The following FANCA variants were observed in gnomAD, a reference collection of about 807,000 sequenced individuals.
FANCA encodes the protein FA complementation group A.
FANCA carries 236 observed loss-of-function variants against 194.3 expected under a neutral mutation model. The observed-to-expected ratio is 1.21, with a 90% confidence interval of 1.09 to 1.35. The LOEUF is 1.35. Among genes scored for constraint, FANCA ranks in the 40% most tolerant of loss-of-function variants. The probability of loss-of-function intolerance (pLI) is 0.00; values close to 1 mark genes in which losing one functional copy is unlikely to be tolerated. For synonymous variants in FANCA, 1,014 were observed against 715.8 expected, an observed-to-expected ratio of 1.42 and a Z score of -6.65; for missense variants, 2,628 against 1,813.9, an observed-to-expected ratio of 1.45 and a Z score of -8.15.
At chr16:89,785,578 CAAAGTCCTGGGGGCTGCAGT>C (rs1303209403) in intron 14 of FANCA, among the ~76,000 whole-genome samples, 5 of 152,154 alleles carry the variant, frequency 3.3e-5, no homozygotes, top group Non-Finnish European at 7.4e-5. Context: ...GGGGCTGCAG[CAAAGTCCTGGGGGCTGCAGT>C]GAGTCAGGGA....
intron 21 of FANCA, among the ~76,000 whole-genome samples, chr16:89,775,255 C>T (rs1225234013): frequency 1.2e-4 from 18 of 152,162 alleles, no homozygotes; most frequent in African/African-American, 4.3e-4. Context: ...CAGCCTTTCA[C>T]GGATTCCCAA....
intron 11 of FANCA, among the ~76,000 whole-genome samples, chr16:89,794,995 T>C (rs1191178871): frequency 1.3e-5 from 2 of 152,020 alleles, no homozygotes; most frequent in East Asian, 3.9e-4. Flanking sequence ...TTTAAAAGAC[T>C]AGACAGCGGC....
At position 89,739,462 on chromosome 16, in the gene FANCA, C is replaced by G. The variant is rs2062067015; in HGVS notation, c.4010+16G>C. On this transcript the variant is annotated intron_variant, in intron 40 of 42. Coordinates refer to ENST00000389301, the MANE Select transcript of FANCA (RefSeq NM_000135.4). ...AAACACTGCCCAGCCCTGACCAGCCCTGTGGGTGGAGGTACCTGTAAAAAG... is the reference window on the plus strand; with the variant it reads ...AAACACTGCCCAGCCCTGACCAGCCGTGTGGGTGGAGGTACCTGTAAAAAG... 1 of 1,551,838 alleles carries G rather than the reference C, an allele frequency of 6.4e-7. No individual in the cohort carries two copies. The highest frequency in any genetic ancestry group is 1.4e-5 in the African/African-American group (1 of 73,104).
intron 22 of FANCA, 31 bp from the exon 23 acceptor site, chr16:89,771,845 A>C: frequency 6.2e-7 from 1 of 1,612,642 alleles, no homozygotes; most frequent in East Asian, 2.2e-5. Context: ...TAGGGATGAC[A>C]AGAACCCCGA....
At chr16:89,804,241 T>C (rs983063409) in intron 7 of FANCA, among the ~76,000 whole-genome samples, 1 of 152,168 alleles carries the variant, frequency 6.6e-6, no homozygotes, top group African/African-American at 2.4e-5. Context: ...CAGTTTCTCA[T>C]CTAATTTTTA....
intron 6 of FANCA, among the ~76,000 whole-genome samples, chr16:89,805,708 T>A (rs916466541): frequency 1.3e-5 from 2 of 150,014 alleles, no homozygotes; most frequent in African/African-American, 2.5e-5. Context: ...AGTGCTGGGA[T>A]GACTGGTGTG....
At position 89,810,952 on chromosome 16, in the gene FANCA, C is replaced by T. The variant is rs1273759951; in HGVS notation, c.403G>A (p.Val135Met). 1 of 1,614,162 alleles carries T rather than the reference C, an allele frequency of 6.2e-7. No individual in the cohort carries two copies. The highest frequency in any genetic ancestry group is 8.5e-7 in the Non-Finnish European group (1 of 1,180,056). Residue 135 changes from valine (V) to methionine (M), a missense_variant, in exon 4 of 43, where the codon GTG (valine) becomes ATG (methionine). By Grantham distance (21) the Val-to-Met change is conservative. Transcript: ENST00000389301. ...ACTCTCTGCTCCACAGTCAGCAGCA[C>T]AGGGTGACTGGTCTCCGCTGGAGCC... ...CTAPAETSHP[V>M]LLTVEQRKKL...
intron 5 of FANCA, 40 bp from the exon 6 acceptor site, chr16:89,808,407 A>G: frequency 6.3e-7 from 1 of 1,599,878 alleles, no homozygotes; most frequent in Non-Finnish European, 8.6e-7. Flanking sequence ...AAAAACAAAA[A>G]AACCCCCAGC....
chr16:89,752,776 G>A lies in FANCA; in HGVS notation c.2982-554C>T, dbSNP rs571907000. On this transcript the variant is annotated intron_variant, in intron 30 of 42. Transcript: ENST00000389301. ...CCACCAGAGGGCTCCTTGGTCTAGCGGTGATGCCAGCGTCTGGGAAGACGC... is the reference window on the plus strand; with the variant it reads ...CCACCAGAGGGCTCCTTGGTCTAGCAGTGATGCCAGCGTCTGGGAAGACGC... Among the ~76,000 whole-genome samples the A allele has an allele frequency of 9.2e-5, 14 of 152,302 alleles. No homozygotes were observed. In the East Asian group the frequency reaches 1.3e-3, roughly 15 times the overall value.
At position 89,811,095 on chromosome 16, in the gene FANCA, G is replaced by A. The variant is rs201828529; in HGVS notation, c.284-24C>T. ...GCCTTAAACACAAAACAAAACCATA[G>A]CTTTCTCTTAACACATGAGACAAAA... is the stretch of plus-strand genomic sequence containing the variant. On this transcript the variant is annotated intron_variant, in intron 3 of 42. Transcript: ENST00000389301. 1.2e-5 allele frequency: 20 copies of A among 1,613,634 alleles called. No individual in the cohort carries two copies. In the East Asian group the frequency reaches 4.5e-4, roughly 36 times the overall value.
At chr16:89,781,491 G>C (rs1691001955) in intron 17 of FANCA, among the ~76,000 whole-genome samples, 1 of 150,364 alleles carries the variant, frequency 6.7e-6, no homozygotes, top group South Asian at 2.1e-4. Flanking sequence ...GGATAACATG[G>C]TGAAACCCCA....
intron 39 of FANCA, 89 bp downstream of exon 39, chr16:89,739,905 C>A (rs1184679344): frequency 1.3e-6 from 2 of 1,584,044 alleles, no homozygotes; most frequent in Non-Finnish European, 1.7e-6. Context: ...TAGCAAGGAA[C>A]CTCAAGGAGG....
At chr16:89,808,514 G>A in intron 5 of FANCA, 147 bp from the exon 6 acceptor site, 1 of 797,990 alleles carries the variant, frequency 1.3e-6, no homozygotes, top group African/African-American at 1.7e-5. Flanking sequence ...AAAACTTAGA[G>A]CCTGAAACAC....
chr16:89,756,883 C>T (rs185903165), intron 30 of FANCA, among the ~76,000 whole-genome samples: 22 of 152,336 alleles, frequency 1.4e-4, no homozygotes, highest in Middle Eastern at 3.4e-3. Context: ...TACCCCCAGG[C>T]AGGGCTTCTA....
rs201668358 is a variant in FANCA, at chr16:89,771,705, C to T, written c.2124G>A (p.Thr708=). Residue 708 remains threonine (T), a synonymous_variant, in exon 23 of 43, where the codon ACG becomes ACA. Transcript: ENST00000389301. ...EISKIQLSIN[T]PRLEPREHMA... is the part of the protein sequence containing the mutation. The stretch of plus-strand genomic sequence containing the variant: ...TGTGTTCCCGTGGCTCCAGTCTCGG[C>T]GTGTTGATGCTGAGCTGAATCTTTG... 18 of 1,614,162 alleles carry T rather than the reference C, an allele frequency of 1.1e-5. No individual in the cohort carries two copies. The highest frequency in any genetic ancestry group is 1.7e-4 in the Middle Eastern group (1 of 6,054).
intron 31 of FANCA, among the ~76,000 whole-genome samples, chr16:89,751,219 G>T (rs927871621): frequency 5.9e-5 from 9 of 151,966 alleles, no homozygotes; most frequent in African/African-American, 2.2e-4. Flanking sequence ...GAAGAATAAA[G>T]ATCAGGTGCA....
chr16:89,783,224 G>A, intron 15 of FANCA, 122 bp from the exon 16 acceptor site: 1 of 753,166 alleles, frequency 1.3e-6, no homozygotes, highest in South Asian at 1.5e-5. Context: ...TTTACAGTCA[G>A]ACTTATGAGT....
At chr16:89,753,910 A>T (rs189573632) in intron 30 of FANCA, among the ~76,000 whole-genome samples, 9 of 152,134 alleles carry the variant, frequency 5.9e-5, no homozygotes, top group Non-Finnish European at 1.0e-4. Context: ...CAAAAATTAG[A>T]CGGGCGTGTT....
chr16:89,799,724 T>A (rs939358615), intron 8 of FANCA, 86 bp from the exon 9 acceptor site: 1 of 1,205,852 alleles, frequency 8.3e-7, no homozygotes, highest in Admixed American at 1.7e-5. Context: ...TTATTACTTG[T>A]TACTCTAAAG....
Sources: gnomAD v4.1 joint callset for allele counts (sites outside exome capture counted in the v4.1 genomes callset) on GRCh38, gnomAD v4.1.1 for gene constraint, MANE v1.5 for transcripts, NCBI Gene and HGNC (gene_info 2026-07-23, HGNC 2026-07-21) for gene names.